AP4E1: variants seen among roughly 807,000 people sequenced by gnomAD.
The protein encoded by AP4E1 is adaptor related protein complex 4 subunit epsilon 1.
In AP4E1, 56 loss-of-function variants were observed where a neutral mutation model predicts 128.2. That is an observed-to-expected ratio of 0.44 (90% CI 0.35 to 0.55). The LOEUF (loss-of-function observed/expected upper bound fraction) is 0.55. Ranked by LOEUF, AP4E1 falls within the 20% of genes least tolerant of loss-of-function variation. The pLI is 0.00. For synonymous variants in AP4E1, 484 were observed against 473.1 expected (o/e 1.02, Z -0.30); for missense variants, 1,324 against 1,307.7 (o/e 1.01, Z -0.19).
At chr15:50,957,410 T>C (rs779967675) in intron 13 of AP4E1, among the ~76,000 whole-genome samples, 2 of 152,088 alleles carry the variant, frequency 1.3e-5, no homozygotes, top group African/African-American at 2.4e-5. Context: ...TGGCTGAGTC[T>C]GGGGTCTTTA....
rs78156679 is a variant in AP4E1 at position 50,983,510 on chromosome 15, A to G, written c.1967-512A>G. ...CTGTCCTACCACAGTAACAACATGA[A>G]TTTTCTTGGCTCTTATTGAATTAAT... On this transcript the variant is annotated intron_variant, in intron 15 of 20. Transcript: ENST00000261842. Among the ~76,000 whole-genome samples, 5 of 152,226 alleles carry G rather than the reference A, an allele frequency of 3.3e-5. No individual in the cohort carries two copies. The East Asian group carries it at 9.7e-4, about 29-fold the overall frequency.
At chr15:50,975,007 A>G (rs774230704) in intron 15 of AP4E1, among the ~76,000 whole-genome samples, 1 of 152,182 alleles carries the variant, frequency 6.6e-6, no homozygotes, top group Non-Finnish European at 1.5e-5. Flanking sequence ...TTTGCTATGC[A>G]GAAGCTTTTT....
Position 51,002,708 on chromosome 15 carries a change from T to C in AP4E1, c.*46T>C, listed in dbSNP as rs1417514471. The C allele has an allele frequency of 6.2e-6, 10 of 1,608,436 alleles. No homozygotes were observed. The highest frequency in any genetic ancestry group is 1.3e-5 in the African/African-American group (1 of 74,922). ...ACTCCATCAAGATCAATGGTTTACATAGATAAACTTATTTACCAAAGTAAA... is the reference window on the plus strand; with the variant it reads ...ACTCCATCAAGATCAATGGTTTACACAGATAAACTTATTTACCAAAGTAAA... On this transcript the variant is annotated 3_prime_UTR_variant, in exon 21 of 21. Coordinates refer to ENST00000261842, the MANE Select transcript of AP4E1 (RefSeq NM_007347.5).
At chr15:50,981,310 A>T (rs1232490949) in intron 15 of AP4E1, among the ~76,000 whole-genome samples, 1 of 152,190 alleles carries the variant, frequency 6.6e-6, no homozygotes, top group Non-Finnish European at 1.5e-5. Context: ...ATAATTCTGG[A>T]GCATTAAGAC....
intron 11 of AP4E1, among the ~76,000 whole-genome samples, chr15:50,948,815 A>G (rs2064103876): frequency 6.6e-6 from 1 of 151,744 alleles, no homozygotes; most frequent in Non-Finnish European, 1.5e-5. Flanking sequence ...TCTACTAAAA[A>G]TACAAAATTA....
At position 51,002,807 on chromosome 15, in the gene AP4E1, G is replaced by C; in HGVS notation, c.*145G>C. On this transcript the variant is annotated 3_prime_UTR_variant, in exon 21 of 21. Coordinates refer to ENST00000261842, the MANE Select transcript of AP4E1 (RefSeq NM_007347.5). ...TTTATATGTTTTCTTTGTGATTCCT[G>C]GTCAAGAAAGATCCCCAAAACTGTA... The C allele has an allele frequency of 9.8e-7, 1 of 1,017,408 alleles. No homozygotes were observed. Among genetic ancestry groups the C allele is most frequent in the Admixed American group, 2.1e-5 (1 of 47,562 alleles). 63.0% of individuals were successfully genotyped at this position (1,017,408 alleles called of 1,614,324 possible). A position where few individuals can be genotyped will look rare whatever the true frequency, so the allele number is the denominator to read the frequency against.
intron 8 of AP4E1, 89 bp from the exon 9 acceptor site, chr15:50,941,353 C>G: frequency 7.0e-7 from 1 of 1,436,676 alleles, no homozygotes; most frequent in Non-Finnish European, 9.7e-7. Context: ...AATGGACTTT[C>G]CAATTAGTTT....
intron 16 of AP4E1, among the ~76,000 whole-genome samples, chr15:50,988,431 C>T (rs1237670712): frequency 6.6e-6 from 1 of 152,304 alleles, no homozygotes; most frequent in South Asian, 2.1e-4. Flanking sequence ...TCTCCTGCCT[C>T]AGCCTTCCGA....
At chr15:50,919,615 G>C (rs898963334) in intron 3 of AP4E1, among the ~76,000 whole-genome samples, 4 of 151,884 alleles carry the variant, frequency 2.6e-5, no homozygotes, top group African/African-American at 9.7e-5. Flanking sequence ...CCTTTTATAT[G>C]TATCATTTTA....
chr15:50,913,949 G>A (rs955805030), intron 2 of AP4E1, among the ~76,000 whole-genome samples: 1 of 152,204 alleles, frequency 6.6e-6, no homozygotes, highest in African/African-American at 2.4e-5. Context: ...AAGTAGCTGG[G>A]ATTAATTACA....
chr15:50,977,034 T>G (rs1360321885), intron 15 of AP4E1, among the ~76,000 whole-genome samples: 1 of 152,244 alleles, frequency 6.6e-6, no homozygotes, highest in Admixed American at 6.5e-5. Context: ...CAGTTTCCTC[T>G]CATTAACTTT....
intron 17 of AP4E1, among the ~76,000 whole-genome samples, chr15:50,994,537 C>A (rs1450738719): frequency 1.3e-5 from 2 of 152,156 alleles, no homozygotes; most frequent in African/African-American, 2.4e-5. Flanking sequence ...TTGATATTTT[C>A]TCTTAAGAAA....
intron 13 of AP4E1, among the ~76,000 whole-genome samples, chr15:50,956,061 G>T (rs140763888): frequency 6.6e-6 from 1 of 152,154 alleles, no homozygotes; most frequent in Non-Finnish European, 1.5e-5. Flanking sequence ...CCAGTCTGAG[G>T]TAAATGAGAC....
At chr15:50,952,666 T>G (rs1430882098) in intron 13 of AP4E1, among the ~76,000 whole-genome samples, 1 of 152,220 alleles carries the variant, frequency 6.6e-6, no homozygotes, top group Admixed American at 6.5e-5. Context: ...AAATTGCCTT[T>G]ACTTATGTCT....
At chr15:50,935,711 C>G (rs1266932009) in intron 8 of AP4E1, among the ~76,000 whole-genome samples, 1 of 152,078 alleles carries the variant, frequency 6.6e-6, no homozygotes, top group African/African-American at 2.4e-5. Flanking sequence ...GGATAACCTG[C>G]GGACCTTTAA....
At chr15:50,977,134 T>TGACA (rs1333511286) in intron 15 of AP4E1, among the ~76,000 whole-genome samples, 1 of 152,210 alleles carries the variant, frequency 6.6e-6, no homozygotes, top group Non-Finnish European at 1.5e-5. Flanking sequence ...AAATGCCTTA[T>TGACA]GACATCCAGG....
chr15:50,911,096 G>A (rs1426334389), intron 1 of AP4E1, among the ~76,000 whole-genome samples: 4 of 152,174 alleles, frequency 2.6e-5, no homozygotes, highest in Admixed American at 2.6e-4. Context: ...AGGCATCCAC[G>A]TGTATCAGTA....
chr15:50,909,562 T>C (rs931158268), intron 1 of AP4E1, among the ~76,000 whole-genome samples: 4 of 152,266 alleles, frequency 2.6e-5, no homozygotes, highest in Non-Finnish European at 5.9e-5. Flanking sequence ...TGAGCAGTTA[T>C]AAAAATTCTT....
intron 7 of AP4E1, among the ~76,000 whole-genome samples, chr15:50,932,508 C>G (rs989243967): frequency 1.3e-5 from 2 of 152,138 alleles, no homozygotes; most frequent in Non-Finnish European, 2.9e-5. Flanking sequence ...GATTTTAGTT[C>G]CCTTGAGAGC....
Sources: gnomAD v4.1 joint callset for allele counts (sites outside exome capture counted in the v4.1 genomes callset) on GRCh38, gnomAD v4.1.1 for gene constraint, MANE v1.5 for transcripts, NCBI Gene and HGNC (gene_info 2026-07-23, HGNC 2026-07-21) for gene names.